The following EPHA5 variants were observed in gnomAD, a reference collection of about 807,000 sequenced individuals.
EPHA5 encodes EPH receptor A5, also known as ephrin type-A receptor 5.
A neutral mutation model predicts 105.0 loss-of-function variants in EPHA5; 60 were observed. The ratio of observed to expected loss-of-function variants is 0.57; its 90% CI spans 0.46 to 0.71. The LOEUF is 0.71. EPHA5 is among the 30% of genes least tolerant of loss of function. EPHA5 has a pLI of 0.00. For synonymous variants in EPHA5, 513 were observed against 449.1 expected (o/e 1.14, Z -1.80); for missense variants, 1,218 against 1,274.7 (o/e 0.96, Z 0.68).
intron 6 of EPHA5, among the ~76,000 whole-genome samples, chr4:65,419,237 A>T (rs1334567262): frequency 6.6e-6 from 1 of 151,018 alleles, no homozygotes; most frequent in African/African-American, 2.4e-5. Context: ...TGCACTTTTA[A>T]GTAATTTTCA....
intron 3 of EPHA5, among the ~76,000 whole-genome samples, chr4:65,575,981 A>G (rs1161230490): frequency 1.8e-4 from 6 of 34,152 alleles, no homozygotes; most frequent in Non-Finnish European, 3.1e-4. Flanking sequence ...ATCAAAAAAG[A>G]AAGAGAGAGA....
intron 5 of EPHA5, among the ~76,000 whole-genome samples, chr4:65,425,345 C>T (rs998144121): frequency 2.0e-5 from 3 of 152,134 alleles, no homozygotes; most frequent in Non-Finnish European, 4.4e-5. Context: ...GCCCCCACTT[C>T]TCACTGCTAT....
At chr4:65,390,081 C>T (rs1218546770) in intron 8 of EPHA5, among the ~76,000 whole-genome samples, 3 of 151,988 alleles carry the variant, frequency 2.0e-5, no homozygotes, top group African/African-American at 4.8e-5. Context: ...TTTTCTCTGT[C>T]TGTATATTAT....
intron 8 of EPHA5, among the ~76,000 whole-genome samples, chr4:65,368,756 C>G (rs998503852): frequency 6.6e-6 from 1 of 152,114 alleles, no homozygotes; most frequent in African/African-American, 2.4e-5. Flanking sequence ...AAATGTAGCC[C>G]TAACACACAT....
intron 2 of EPHA5, among the ~76,000 whole-genome samples, chr4:65,608,788 C>T (rs1194246096): frequency 1.3e-5 from 2 of 152,078 alleles, no homozygotes; most frequent in Non-Finnish European, 2.9e-5. Flanking sequence ...CATCTTTTTG[C>T]AGATGAGTAA....
At chr4:65,389,978 A>AACTAC (rs1720540556) in intron 8 of EPHA5, among the ~76,000 whole-genome samples, 1 of 151,990 alleles carries the variant, frequency 6.6e-6, no homozygotes, top group Non-Finnish European at 1.5e-5. Flanking sequence ...GGGAAAAAAA[A>AACTAC]ACTACACTAA....
chr4:65,416,866 T>C (rs1279570644), intron 6 of EPHA5, among the ~76,000 whole-genome samples: 1 of 152,362 alleles, frequency 6.6e-6, no homozygotes, highest in Non-Finnish European at 1.5e-5. Context: ...AATTTAATTA[T>C]GTTTCATTCC....
At chr4:65,485,513 T>G (rs1298861464) in intron 5 of EPHA5, among the ~76,000 whole-genome samples, 4 of 152,190 alleles carry the variant, frequency 2.6e-5, no homozygotes, top group African/African-American at 4.8e-5. Flanking sequence ...AAAAAAGTAT[T>G]GTTTTAGTCC....
intron 5 of EPHA5, among the ~76,000 whole-genome samples, chr4:65,424,055 C>T (rs892186627): frequency 3.9e-5 from 6 of 152,028 alleles, no homozygotes; most frequent in Non-Finnish European, 8.8e-5. Flanking sequence ...TAACCTCCCA[C>T]TCTAATGGTG....
chr4:65,638,623 C>A (rs1747367136), intron 2 of EPHA5, among the ~76,000 whole-genome samples: 1 of 152,116 alleles, frequency 6.6e-6, no homozygotes, highest in Non-Finnish European at 1.5e-5. Context: ...CCTGTAATCC[C>A]AGCTACTCGG....
intron 5 of EPHA5, among the ~76,000 whole-genome samples, chr4:65,425,323 T>G (rs903924152): frequency 6.6e-6 from 1 of 152,148 alleles, no homozygotes; most frequent in African/African-American, 2.4e-5. Flanking sequence ...TGTCAGTATC[T>G]GCCAGCTGGA....
chr4:65,509,818 T>A (rs992677092), intron 3 of EPHA5, among the ~76,000 whole-genome samples: 1 of 152,140 alleles, frequency 6.6e-6, no homozygotes, highest in Non-Finnish European at 1.5e-5. Context: ...GATCATTTCA[T>A]TAGCATAATC....
intron 3 of EPHA5, among the ~76,000 whole-genome samples, chr4:65,529,416 G>A (rs191779879): frequency 8.5e-4 from 128 of 150,308 alleles, no homozygotes; most frequent in African/African-American, 2.9e-3. Flanking sequence ...GTGTGCATAC[G>A]TATGCATATT....
intron 2 of EPHA5, among the ~76,000 whole-genome samples, chr4:65,622,001 C>T (rs76789917): frequency 4.7e-4 from 71 of 152,214 alleles, no homozygotes; most frequent in East Asian, 1.5e-3. Context: ...AGTACATTTT[C>T]ACTTAGATTC....
intron 1 of EPHA5, among the ~76,000 whole-genome samples, chr4:65,658,886 C>T (rs1749296976): frequency 6.6e-6 from 1 of 152,092 alleles, no homozygotes; most frequent in African/African-American, 2.4e-5. Context: ...TAATTTATAA[C>T]ATTGAGCTTC....
Position 65,669,778 on chromosome 4 carries a change from C to A in EPHA5, c.-36G>T, listed in dbSNP as rs1001475479. 5.6e-6 allele frequency: 7 copies of A among 1,242,224 alleles called. No individual in the cohort carries two copies. Among genetic ancestry groups the A allele is most frequent in the South Asian group, 3.6e-5 (1 of 27,860 alleles). 77.0% of individuals were successfully genotyped at this position (1,242,224 alleles called of 1,614,324 possible). ...CCTCCTCCGGTGCCGCTGTCCCGAG[C>A]GGCTCAGTCCACCGCTTCGGCCTCG... is the stretch of plus-strand genomic sequence containing the variant. On this transcript the variant is annotated 5_prime_UTR_variant, in exon 1 of 17. Transcript: ENST00000613740.
intron 3 of EPHA5, among the ~76,000 whole-genome samples, chr4:65,528,222 G>A (rs150028050): frequency 7.2e-5 from 11 of 152,210 alleles, no homozygotes; most frequent in East Asian, 1.9e-4. Flanking sequence ...AGCATCACAC[G>A]TCGGCAAAAC....
intron 5 of EPHA5, among the ~76,000 whole-genome samples, chr4:65,444,133 TA>T (rs1334163439): frequency 6.6e-6 from 1 of 152,220 alleles, no homozygotes; most frequent in East Asian, 1.9e-4. Context: ...ATGTTTTCAT[TA>T]AAACTGTTTT....
intron 5 of EPHA5, among the ~76,000 whole-genome samples, chr4:65,480,956 C>T (rs1226946129): frequency 6.6e-6 from 1 of 152,014 alleles, no homozygotes; most frequent in African/African-American, 2.4e-5. Context: ...AGTGATCAGA[C>T]TGTTGTGTTT....
Sources: gnomAD v4.1 joint callset for allele counts (sites outside exome capture counted in the v4.1 genomes callset) on GRCh38, gnomAD v4.1.1 for gene constraint, MANE v1.5 for transcripts, NCBI Gene and HGNC (gene_info 2026-07-23, HGNC 2026-07-21) for gene names.